Variants in DDX10 observed in about 807,000 individuals in gnomAD.
DDX10 encodes DEAD-box helicase 10.
Under a neutral mutation model 104.3 loss-of-function variants are expected in DDX10, and 74 were observed. The ratio of observed to expected loss-of-function variants is 0.71; its 90% CI spans 0.59 to 0.86. The LOEUF is 0.86. Ranked by LOEUF, DDX10 falls within the 40% of genes least tolerant of loss-of-function variation. The pLI, the probability that DDX10 is intolerant of heterozygous loss-of-function variation, is 0.00. For synonymous variants in DDX10, 351 were observed against 353.4 expected (o/e 0.99, Z 0.08); for missense variants, 952 against 1,040.0 (o/e 0.92, Z 1.16).
intron 13 of DDX10, among the ~76,000 whole-genome samples, chr11:108,776,781 T>C (rs1565275072): frequency 6.6e-6 from 1 of 152,234 alleles, no homozygotes; most frequent in South Asian, 2.1e-4. Context: ...GGAGACTTTG[T>C]GAGAAGGTGG....
At chr11:108,766,395 A>G (rs1197513743) in intron 13 of DDX10, among the ~76,000 whole-genome samples, 3 of 152,192 alleles carry the variant, frequency 2.0e-5, no homozygotes, top group African/African-American at 7.2e-5. Flanking sequence ...TACTTCACTC[A>G]AGTACATACC....
chr11:108,914,835 T>TAAAAAAA (rs10624451), intron 16 of DDX10, among the ~76,000 whole-genome samples: 2 of 144,296 alleles, frequency 1.4e-5, no homozygotes, highest in Non-Finnish European at 1.5e-5. Context: ...TGGTAACCAT[T>TAAAAAAA]AAAAAAAAAA....
intron 13 of DDX10, among the ~76,000 whole-genome samples, chr11:108,801,778 G>T (rs1378810390): frequency 6.6e-6 from 1 of 151,790 alleles, no homozygotes; most frequent in African/African-American, 2.4e-5. Flanking sequence ...CTTAACCAAT[G>T]TATATACTAT....
intron 13 of DDX10, among the ~76,000 whole-genome samples, chr11:108,805,297 C>A (rs910466742): frequency 3.3e-5 from 5 of 152,222 alleles, no homozygotes; most frequent in African/African-American, 1.2e-4. Flanking sequence ...GAGGCAGAAC[C>A]ACATATGTTT....
At chr11:108,903,271 C>A (rs1863542254) in intron 16 of DDX10, among the ~76,000 whole-genome samples, 1 of 152,158 alleles carries the variant, frequency 6.6e-6, no homozygotes, top group African/African-American at 2.4e-5. Context: ...TCTCCATGAT[C>A]TGTCTATTCT....
intron 1 of DDX10, among the ~76,000 whole-genome samples, chr11:108,670,246 C>A (rs1179886884): frequency 1.3e-5 from 2 of 151,768 alleles, no homozygotes; most frequent in Non-Finnish European, 2.9e-5. Flanking sequence ...AGGCAGATGA[C>A]AAAATGGGAT....
intron 16 of DDX10, among the ~76,000 whole-genome samples, chr11:108,882,919 C>T (rs1565308084): frequency 1.3e-5 from 2 of 152,172 alleles, no homozygotes; most frequent in South Asian, 2.1e-4. Flanking sequence ...TAAAATGTTG[C>T]GTCCATATCC....
chr11:108,852,110 C>A, intron 15 of DDX10, 43 bp from the exon 16 acceptor site: 2 of 1,482,004 alleles, frequency 1.3e-6, no homozygotes, highest in Non-Finnish European at 1.9e-6. Flanking sequence ...TGTTTTATAC[C>A]TAATTATATG....
At position 108,889,356 on chromosome 11, in the gene DDX10, G is replaced by T. The variant is rs567115561; in HGVS notation, c.2305-28517G>T. Among the ~76,000 whole-genome samples, 10 of 152,144 alleles carry T rather than the reference G, an allele frequency of 6.6e-5. No individual in the cohort carries two copies. The South Asian group carries it at 2.1e-3, about 32-fold the overall frequency. ...CTGTCACTGTATAAAACTCTAGTGA[G>T]GGATTCCCACAATGGATGAAAGGTA... On this transcript the variant is annotated intron_variant, in intron 16 of 17. Transcript: ENST00000322536.
intron 17 of DDX10, among the ~76,000 whole-genome samples, chr11:108,933,679 CTCT>C (rs1295143479): frequency 6.6e-6 from 1 of 152,142 alleles, no homozygotes; most frequent in East Asian, 1.9e-4. Flanking sequence ...TGGCTTTGAT[CTCT>C]TCAATTTCTT....
At position 108,825,195 on chromosome 11, in the gene DDX10, C is replaced by G. The variant is rs544475379; in HGVS notation, c.1966-13251C>G. 3.3e-5 allele frequency among the ~76,000 whole-genome samples: 5 copies of G among 151,754 alleles called. 1 individual carries two copies. The South Asian group carries it at 1.0e-3, about 32-fold the overall frequency. ...ATTAAGAAACTTATGTTAATTCTAA[C>G]AAGAAATTGAGGAAAGGAAGACAAA... On this transcript the variant is annotated intron_variant, in intron 13 of 17. Coordinates refer to ENST00000322536, the MANE Select transcript of DDX10 (RefSeq NM_004398.4).
chr11:108,914,500 C>T (rs1331747573), intron 16 of DDX10, among the ~76,000 whole-genome samples: 1 of 152,158 alleles, frequency 6.6e-6, no homozygotes, highest in Non-Finnish European at 1.5e-5. Flanking sequence ...ATATAAGCAG[C>T]TCCTTACTAT....
chr11:108,873,433 A>G (rs946191549), intron 16 of DDX10, among the ~76,000 whole-genome samples: 14 of 152,214 alleles, frequency 9.2e-5, no homozygotes, highest in African/African-American at 3.4e-4. Flanking sequence ...GTTCAGAGAA[A>G]GATGTTTTTG....
intron 17 of DDX10, among the ~76,000 whole-genome samples, chr11:108,930,310 A>G (rs765370476): frequency 6.6e-5 from 10 of 152,156 alleles, no homozygotes; most frequent in Non-Finnish European, 1.3e-4. Context: ...AGGTTCCGCT[A>G]TATCTTTTTG....
intron 17 of DDX10, among the ~76,000 whole-genome samples, chr11:108,933,640 T>G (rs11212815): frequency 0.17 from 26,478 of 152,198 alleles, 2,770 homozygotes; most frequent in East Asian, 0.28. Context: ...ATAATTTCCC[T>G]TCCGCCATTA....
chr11:108,909,016 C>T (rs948809929), intron 16 of DDX10, among the ~76,000 whole-genome samples: 1 of 152,144 alleles, frequency 6.6e-6, no homozygotes, highest in Non-Finnish European at 1.5e-5. Context: ...CCTGGGATTT[C>T]CTGAGTGACA....
chr11:108,814,189 A>G (rs1862224311), intron 13 of DDX10, among the ~76,000 whole-genome samples: 1 of 152,184 alleles, frequency 6.6e-6, no homozygotes, highest in African/African-American at 2.4e-5. Flanking sequence ...CTCAGATGGC[A>G]TAGACATAGG....
intron 1 of DDX10, among the ~76,000 whole-genome samples, chr11:108,672,192 T>C (rs1288629812): frequency 1.3e-5 from 2 of 152,006 alleles, no homozygotes; most frequent in African/African-American, 4.8e-5. Flanking sequence ...TTTAGGAAGA[T>C]AGATGTGCTG....
intron 16 of DDX10, among the ~76,000 whole-genome samples, chr11:108,887,016 A>G (rs1863304371): frequency 6.6e-6 from 1 of 152,164 alleles, no homozygotes; most frequent in South Asian, 2.1e-4. Context: ...ATTCTTCCTC[A>G]ACTAAATATG....
Sources: gnomAD v4.1 joint callset for allele counts (sites outside exome capture counted in the v4.1 genomes callset) on GRCh38, gnomAD v4.1.1 for gene constraint, MANE v1.5 for transcripts, NCBI Gene and HGNC (gene_info 2026-07-23, HGNC 2026-07-21) for gene names.